Variants in ELP2 observed in about 807,000 individuals in gnomAD.
The protein encoded by ELP2 is elongator acetyltransferase complex subunit 2, also known as elongator complex protein 2.
Under a neutral mutation model 119.2 loss-of-function variants are expected in ELP2, and 90 were observed. The ratio of observed to expected loss-of-function variants is 0.75; its 90% CI spans 0.64 to 0.90. The LOEUF (loss-of-function observed/expected upper bound fraction) is 0.90, where lower values mean the gene tolerates loss of function less well. Among genes scored for constraint, ELP2 ranks in the 40% least tolerant of loss-of-function variants. The pLI is 0.00. For synonymous variants in ELP2, 339 were observed against 331.0 expected (o/e 1.02, Z -0.26); for missense variants, 921 against 967.8 (o/e 0.95, Z 0.64).
At chr18:36,145,472 T>C in intron 9 of ELP2, 1 of 295,414 alleles carries the variant, frequency 3.4e-6, no homozygotes, top group South Asian at 3.4e-5. Flanking sequence ...GTGACAGTTC[T>C]GTGCATGTTC....
chr18:36,169,071 C>G (rs1373777954), intron 19 of ELP2, among the ~76,000 whole-genome samples: 1 of 151,536 alleles, frequency 6.6e-6, no homozygotes, highest in Non-Finnish European at 1.5e-5. Flanking sequence ...ATTACAGGCA[C>G]CCACCACCAT....
Position 36,146,379 on chromosome 18 carries a change from C to A in ELP2, c.1123C>A (p.Pro375Thr), listed in dbSNP as rs754550526. Residue 375 changes from proline (P) to threonine (T), a missense_variant and splice_region_variant, in exon 11 of 22, where the codon CCA becomes ACA. Pro to Thr is a conservative substitution (Grantham distance 38, BLOSUM62 -1). Transcript: ENST00000358232. ...LHLWKQNTVNPREWTPEIVIS... is the reference protein window; with the variant it reads ...LHLWKQNTVNTREWTPEIVIS... ...CCTTTGGAAACAGAATACAGTTAAC[C>A]CAGTAAGAAAAGAGTGTTTAAATAA... The A allele has an allele frequency of 1.9e-6, 3 of 1,613,714 alleles. No individual in the cohort carries two copies. The highest frequency in any genetic ancestry group is 2.5e-6 in the Non-Finnish European group (3 of 1,179,772).
At position 36,159,818 on chromosome 18, in the gene ELP2, T is replaced by A. The variant is rs1302964095; in HGVS notation, c.1618T>A (p.Ser540Thr). The A allele has an allele frequency of 2.4e-5, 39 of 1,613,598 alleles. No individual in the cohort carries two copies. Among genetic ancestry groups the A allele is most frequent in the Non-Finnish European group, 3.3e-5 (39 of 1,179,664 alleles). Residue 540 changes from serine (S) to threonine (T), a missense_variant, in exon 15 of 22, where the codon TCC becomes ACC. By Grantham distance (58) the Ser-to-Thr change is moderately conservative. Coordinates refer to ENST00000358232, the MANE Select transcript of ELP2 (RefSeq NM_018255.4). ...FEYQQVAFQPSILTEPPTEDH... is the reference protein window; with the variant it reads ...FEYQQVAFQPTILTEPPTEDH... ...GTATCAGCAGGTGGCCTTTCAGCCC[T>A]CCATACTTACTGGTAAGATGTGACA... is the stretch of plus-strand genomic sequence containing the variant.
chr18:36,138,900 A>C (rs1448023024), intron 5 of ELP2, 28 bp downstream of exon 5: 1 of 1,532,662 alleles, frequency 6.5e-7, no homozygotes, highest in South Asian at 1.1e-5. Context: ...TATATGTTAA[A>C]AGGGCAGTAT....
At chr18:36,153,242 A>G (rs1215462080) in intron 11 of ELP2, among the ~76,000 whole-genome samples, 2 of 152,290 alleles carry the variant, frequency 1.3e-5, no homozygotes, top group East Asian at 3.9e-4. Flanking sequence ...ATCTATCCGT[A>G]AATTCCACTG....
Position 36,141,202 on chromosome 18 carries a change from G to A in ELP2, c.588+1G>A. 1 of 1,606,682 alleles carries A rather than the reference G, an allele frequency of 6.2e-7. No individual in the cohort carries two copies. The highest frequency in any genetic ancestry group is 8.5e-7 in the Non-Finnish European group (1 of 1,173,360). On this transcript the variant is annotated splice_donor_variant, in intron 6 of 21. Coordinates refer to ENST00000358232, the MANE Select transcript of ELP2 (RefSeq NM_018255.4). LOFTEE classifies it high-confidence loss of function. Reference sequence around the variant, plus strand: ...CATATTTGCTCAACAAAATGATCAGGTAATAATGTTTATATTAAGAGGCTG... The same window carrying A: ...CATATTTGCTCAACAAAATGATCAGATAATAATGTTTATATTAAGAGGCTG...
intron 2 of ELP2, among the ~76,000 whole-genome samples, chr18:36,134,534 T>C (rs1255122159): frequency 2.6e-5 from 4 of 152,238 alleles, no homozygotes; most frequent in African/African-American, 9.6e-5. Context: ...ATAGAACCCA[T>C]TGTTATTTTT....
intron 16 of ELP2, among the ~76,000 whole-genome samples, chr18:36,160,679 G>A (rs754802607): frequency 2.0e-5 from 3 of 152,034 alleles, no homozygotes; most frequent in Non-Finnish European, 4.4e-5. Context: ...TTAGATACTG[G>A]CTGGTTGAAA....
In ELP2 at chr18:36,141,289, G is replaced by A. The variant is rs963965424; in HGVS notation, c.588+88G>A. The A allele has an allele frequency of 3.4e-6, 4 of 1,176,722 alleles. No homozygotes were observed. The Admixed American group carries it at 6.9e-5, about 20-fold the overall frequency. 72.9% of individuals were successfully genotyped at this position (1,176,722 alleles called of 1,614,324 possible). ...TATATCCAGATTATAGAATTTTAGG[G>A]AATGTTCTAATCTAAACCAAAATAA... is the stretch of plus-strand genomic sequence containing the variant. On this transcript the variant is annotated intron_variant, in intron 6 of 21. Transcript: ENST00000358232.
chr18:36,157,163 ACTTT>A (rs2090599473), intron 13 of ELP2, among the ~76,000 whole-genome samples: 1 of 152,198 alleles, frequency 6.6e-6, no homozygotes, highest in Non-Finnish European at 1.5e-5. Flanking sequence ...TGTAAGGGTA[ACTTT>A]CTTTTTTATG....
In ELP2 at chr18:36,174,552, G is replaced by A; in HGVS notation, c.2392G>A (p.Glu798Lys). 1 of 1,614,160 alleles carries A rather than the reference G, an allele frequency of 6.2e-7. No homozygotes were observed. The highest frequency in any genetic ancestry group is 8.5e-7 in the Non-Finnish European group (1 of 1,180,002). Residue 798 changes from glutamate to lysine, a missense_variant, in exon 22 of 22, where the codon GAA becomes AAA. Physicochemically the swap from Glu to Lys is moderately conservative, Grantham distance 56. Transcript: ENST00000358232. ...TTGCAGTGGAAAAACTGAACAGAAGGAAGCAGAAGGTGCTGAGTGGTTACA... is the reference window on the plus strand; with the variant it reads ...TTGCAGTGGAAAAACTGAACAGAAGAAAGCAGAAGGTGCTGAGTGGTTACA... ...KNCSGKTEQK[E>K]AEGAEWLHFA...
At chr18:36,133,897 G>GTTTTTTTTTTT (rs57135329) in intron 2 of ELP2, among the ~76,000 whole-genome samples, 2 of 60,804 alleles carry the variant, frequency 3.3e-5, no homozygotes, top group African/African-American at 1.5e-4. Context: ...TTTTTTAGGG[G>GTTTTTTTTTTT]TTTTTTTTTT....
intron 17 of ELP2, among the ~76,000 whole-genome samples, chr18:36,162,307 A>T (rs1328161130): frequency 6.6e-6 from 1 of 152,206 alleles, no homozygotes; most frequent in African/African-American, 2.4e-5. Flanking sequence ...GTATATAAAT[A>T]GGATCATGTA....
chr18:36,161,326 G>A (rs555986106), intron 17 of ELP2, among the ~76,000 whole-genome samples: 2 of 152,156 alleles, frequency 1.3e-5, no homozygotes, highest in Admixed American at 1.3e-4. Flanking sequence ...CCCAGAGGTG[G>A]AAGTTGCAGT....
intron 3 of ELP2, among the ~76,000 whole-genome samples, chr18:36,137,656 G>A (rs2089873421): frequency 6.6e-6 from 1 of 151,930 alleles, no homozygotes; most frequent in Non-Finnish European, 1.5e-5. Flanking sequence ...TAAGCCAATG[G>A]GATTTCCCAC....
At position 36,138,777 on chromosome 18, in the gene ELP2, T is replaced by G. The variant is rs764308459; in HGVS notation, c.446-18T>G. On this transcript the variant is annotated intron_variant, in intron 4 of 21. Coordinates refer to ENST00000358232, the MANE Select transcript of ELP2 (RefSeq NM_018255.4). ...CTGAGGTAGTTAGTTGTTCATTGTG[T>G]TTTTTATTATTTCTTAGTAATGTGC... is the stretch of plus-strand genomic sequence containing the variant. The G allele has an allele frequency of 6.2e-7, 1 of 1,605,532 alleles. No individual in the cohort carries two copies. Among genetic ancestry groups the G allele is most frequent in the Non-Finnish European group, 8.5e-7 (1 of 1,172,348 alleles).
At chr18:36,137,408 C>T (rs1156548246) in intron 3 of ELP2, among the ~76,000 whole-genome samples, 1 of 152,192 alleles carries the variant, frequency 6.6e-6, no homozygotes, top group African/African-American at 2.4e-5. Flanking sequence ...GACCCTTATA[C>T]ATGAGTATTA....
At chr18:36,130,686 G>A (rs979749456) in intron 1 of ELP2, among the ~76,000 whole-genome samples, 1 of 152,174 alleles carries the variant, frequency 6.6e-6, no homozygotes, top group African/African-American at 2.4e-5. Context: ...TATTTCTCAA[G>A]TGAATAGTTT....
At chr18:36,153,421 A>G (rs906264787) in intron 11 of ELP2, among the ~76,000 whole-genome samples, 3 of 152,152 alleles carry the variant, frequency 2.0e-5, no homozygotes, top group African/African-American at 7.2e-5. Context: ...CTAAGTATGT[A>G]GGGAAAACTC....
Sources: allele counts gnomAD v4.1 joint callset (sites outside exome capture counted in the v4.1 genomes callset), GRCh38; gene constraint gnomAD v4.1.1; transcripts MANE v1.5; gene names NCBI Gene and HGNC (gene_info 2026-07-23, HGNC 2026-07-21).